The following CDCP1 variants were observed in gnomAD, a reference collection of about 807,000 sequenced individuals.
The protein encoded by CDCP1 is CUB domain-containing protein 1.
A neutral mutation model predicts 60.2 loss-of-function variants in CDCP1; 29 were observed. That is an observed-to-expected ratio of 0.48 (90% CI 0.36 to 0.66). The LOEUF (loss-of-function observed/expected upper bound fraction) is 0.66, where lower values mean the gene tolerates loss of function less well. Ranked by LOEUF, CDCP1 falls within the 30% of genes least tolerant of loss-of-function variation. CDCP1 has a pLI of 0.00. For synonymous variants in CDCP1, 387 were observed against 431.1 expected (o/e 0.90, Z 1.27); for missense variants, 876 against 1,074.3 (o/e 0.82, Z 2.58).
intron 1 of CDCP1, among the ~76,000 whole-genome samples, chr3:45,136,675 T>C (rs1699196602): frequency 6.6e-6 from 1 of 152,244 alleles, no homozygotes; most frequent in African/African-American, 2.4e-5. Flanking sequence ...TTCTACTGCA[T>C]CCCTTCTACA....
rs1215278385 is a variant in CDCP1 at position 45,133,717 on chromosome 3, C to CAAAAAA, written c.82+12483_82+12488dup. 3.1e-3 allele frequency among the ~76,000 whole-genome samples: 154 copies of CAAAAAA among 50,274 alleles called. 48 individuals carry two copies. Among genetic ancestry groups the CAAAAAA allele is most frequent in the African/African-American group, 0.02 (144 of 7,374 alleles). The allele number at this position is 50,274 out of a possible 152,430, so 33.0% of individuals were successfully genotyped here. A position where few individuals can be genotyped will look rare whatever the true frequency, so the allele number is the denominator to read the frequency against. On this transcript the variant is annotated intron_variant, in intron 1 of 8. Transcript: ENST00000296129. ...TGGGCGACAGAGCGAGACTCCGTCT[C>CAAAAAA]AAAAAAAAAAAAAAAAAAAAAAAAA...
intron 1 of CDCP1, among the ~76,000 whole-genome samples, chr3:45,140,096 T>C (rs879723228): frequency 4.6e-5 from 7 of 152,248 alleles, no homozygotes; most frequent in Non-Finnish European, 1.0e-4. Context: ...TACACCATTC[T>C]AGCTCAGCTC....
chr3:45,109,772 G>A (rs781023469), intron 4 of CDCP1, among the ~76,000 whole-genome samples: 21 of 151,942 alleles, frequency 1.4e-4, no homozygotes, highest in Non-Finnish European at 2.4e-4. Flanking sequence ...TGGGCACTTT[G>A]CCTTACCCTA....
intron 1 of CDCP1, among the ~76,000 whole-genome samples, chr3:45,130,060 C>A (rs1175978559): frequency 6.6e-6 from 1 of 151,968 alleles, no homozygotes; most frequent in Non-Finnish European, 1.5e-5. Flanking sequence ...ATGACACACA[C>A]ACACACCTAA....
chr3:45,091,180 C>T lies in CDCP1; in HGVS notation c.1986G>A (p.Arg662=), dbSNP rs139508827. The change falls in exon 7 of 9, where the codon AGG becomes AGA. Residue 662 remains arginine, a synonymous_variant. Coordinates refer to ENST00000296129, the MANE Select transcript of CDCP1 (RefSeq NM_022842.5). This position sits in a 1 kb window ranked among gnomAD's most constrained non-coding sequence, Gnocchi z 4.8. The part of the protein sequence containing the change: ...DLLFSVTLTP[R]TVDLTVILIA... Reference sequence around the variant, plus strand: ...GACCCTGAAGGCCCTTACCCACAGTCCTTGGGGTAAGTGTCACCGAGAAGA... The same window carrying T: ...GACCCTGAAGGCCCTTACCCACAGTTCTTGGGGTAAGTGTCACCGAGAAGA... 6.2e-7 allele frequency: 1 copy of T among 1,611,946 alleles called. No individual in the cohort carries two copies. Among genetic ancestry groups the T allele is most frequent in the Non-Finnish European group, 8.5e-7 (1 of 1,178,962 alleles).
chr3:45,118,757 G>T, intron 1 of CDCP1, 136 bp from the exon 2 acceptor site: 4 of 665,204 alleles, frequency 6.0e-6, no homozygotes, highest in Non-Finnish European at 1.0e-5. Context: ...TGAGAAGAAG[G>T]GTGGTGCAAA....
At chr3:45,086,490 T>C (rs1280739325) in intron 8 of CDCP1, among the ~76,000 whole-genome samples, 2 of 152,226 alleles carry the variant, frequency 1.3e-5, no homozygotes, top group African/African-American at 4.8e-5. Flanking sequence ...GCACTCTTAG[T>C]ACTTTCCCGT....
chr3:45,117,652 AGTG>A (rs541723022), intron 2 of CDCP1, among the ~76,000 whole-genome samples: 182 of 147,620 alleles, frequency 1.2e-3, no homozygotes, highest in African/African-American at 4.4e-3. Context: ...GCTGGAGTGC[AGTG>A]GTGTGTTCTG....
In CDCP1 at chr3:45,095,556, A is replaced by G; in HGVS notation, c.1037T>C (p.Val346Ala). Residue 346 changes from valine to alanine, a missense_variant, in exon 5 of 9, where the codon GTG (valine) becomes GCG (alanine). By Grantham distance (64) the Val-to-Ala change is moderately conservative. Coordinates refer to ENST00000296129, the MANE Select transcript of CDCP1 (RefSeq NM_022842.5). Reference protein sequence around the residue: ...HPQNESNKIYVVDLSNERAMS... With the variant: ...HPQNESNKIYAVDLSNERAMS... Reference sequence around the variant, plus strand: ...GGCTCGCTCATTACTCAAGTCAACCACGTAGATTTTATCTGAAACCACAAA... The same window carrying G: ...GGCTCGCTCATTACTCAAGTCAACCGCGTAGATTTTATCTGAAACCACAAA... 6.2e-7 allele frequency: 1 copy of G among 1,614,046 alleles called. No individual in the cohort carries two copies. Among genetic ancestry groups the G allele is most frequent in the Non-Finnish European group, 8.5e-7 (1 of 1,179,954 alleles).
intron 2 of CDCP1, 132 bp downstream of exon 2, chr3:45,118,280 A>T: frequency 1.4e-6 from 1 of 701,750 alleles, no homozygotes; most frequent in Admixed American, 2.8e-5. Context: ...GAGCTAAATT[A>T]AAAAACTGTA....
chr3:45,127,062 A>G (rs1371597581), intron 1 of CDCP1, among the ~76,000 whole-genome samples: 9 of 152,230 alleles, frequency 5.9e-5, no homozygotes, highest in Non-Finnish European at 1.2e-4. Flanking sequence ...TCTTACCAAC[A>G]AAGTCAATCA....
chr3:45,143,978 A>G (rs1699339213), intron 1 of CDCP1, among the ~76,000 whole-genome samples: 1 of 152,164 alleles, frequency 6.6e-6, no homozygotes, highest in Non-Finnish European at 1.5e-5. Context: ...GTCTGCTCAC[A>G]TTTTTGGCAA....
chr3:45,122,609 C>T (rs372285757), intron 1 of CDCP1, among the ~76,000 whole-genome samples: 1 of 151,480 alleles, frequency 6.6e-6, no homozygotes, highest in South Asian at 2.1e-4. Context: ...TGTGCCACCA[C>T]GCCTGGCTAA....
Position 45,122,565 on chromosome 3 carries a change from G to A in CDCP1, c.83-3944C>T, listed in dbSNP as rs1348156143. Among the ~76,000 whole-genome samples the A allele has an allele frequency of 4.0e-5, 6 of 150,474 alleles. No individual in the cohort carries two copies. In the South Asian group the frequency reaches 8.4e-4, roughly 21 times the overall value. ...TGCCTTTGGGACTCAAGTGATTCTC[G>A]TGCCTCAGTCTCCCGAGTAGCTGGG... is the stretch of plus-strand genomic sequence containing the variant. On this transcript the variant is annotated intron_variant, in intron 1 of 8. Transcript: ENST00000296129.
At chr3:45,130,633 T>G (rs1200549197) in intron 1 of CDCP1, among the ~76,000 whole-genome samples, 4 of 152,160 alleles carry the variant, frequency 2.6e-5, no homozygotes, top group Admixed American at 6.5e-5. Flanking sequence ...GGCTTCACGG[T>G]TCTTGTTACA....
At position 45,112,464 on chromosome 3, in the gene CDCP1, A is replaced by G; in HGVS notation, c.293-19T>C. On this transcript the variant is annotated intron_variant, in intron 2 of 8. Transcript: ENST00000296129. ...ATACAGTCTGAAAAACAGTCACAGA[A>G]GCAATTTTGATCACAGATGCTCCAA... The G allele has an allele frequency of 1.2e-6, 2 of 1,604,598 alleles. No individual in the cohort carries two copies. Among genetic ancestry groups the G allele is most frequent in the Non-Finnish European group, 1.7e-6 (2 of 1,173,906 alleles).
intron 4 of CDCP1, among the ~76,000 whole-genome samples, chr3:45,101,668 C>T (rs1698486412): frequency 6.6e-6 from 1 of 152,112 alleles, no homozygotes; most frequent in African/African-American, 2.4e-5. Flanking sequence ...GGGCAGATCA[C>T]CTGTGGTGAG....
intron 1 of CDCP1, among the ~76,000 whole-genome samples, chr3:45,132,485 C>G (rs1392820886): frequency 6.6e-6 from 1 of 152,096 alleles, no homozygotes; most frequent in Non-Finnish European, 1.5e-5. Flanking sequence ...CTTTGAAAAT[C>G]CACTCATGGG....
At chr3:45,146,169 C>A in intron 1 of CDCP1, 37 bp downstream of exon 1, 1 of 1,547,994 alleles carries the variant, frequency 6.5e-7, no homozygotes, top group Admixed American at 1.9e-5. Context: ...GCTAGCTCAC[C>A]ACTCCACGCC....
Sources: gnomAD v4.1 joint callset for allele counts (sites outside exome capture counted in the v4.1 genomes callset) on GRCh38, gnomAD v4.1.1 for gene constraint, Gnocchi (gnomAD v3.1) non-coding constraint, MANE v1.5 for transcripts, NCBI Gene and HGNC (gene_info 2026-07-23, HGNC 2026-07-21) for gene names.